The following CD44 variants were observed in gnomAD, a reference collection of about 807,000 sequenced individuals.
CD44 encodes CD44 antigen.
Under a neutral mutation model 88.8 loss-of-function variants are expected in CD44, and 49 were observed. The ratio of observed to expected loss-of-function variants is 0.55; its 90% confidence interval spans 0.44 to 0.70. CD44 has a LOEUF of 0.70. Ranked by LOEUF, CD44 falls within the 30% of genes least tolerant of loss-of-function variation. The probability of loss-of-function intolerance (pLI) is 0.00; values close to 1 mark genes in which losing one functional copy is unlikely to be tolerated. For synonymous variants in CD44, 325 were observed against 312.3 expected (o/e 1.04, Z -0.43); for missense variants, 883 against 913.8 (o/e 0.97, Z 0.43).
intron 3 of CD44, among the ~76,000 whole-genome samples, chr11:35,184,920 T>C (rs1048280751): frequency 6.6e-6 from 1 of 152,220 alleles, no homozygotes; most frequent in African/African-American, 2.4e-5. Flanking sequence ...ATTATATCGG[T>C]ACTTTTTTCT....
In CD44 at chr11:35,201,767, C is replaced by T; in HGVS notation, c.1133C>T (p.Thr378Ile). The change falls in exon 9 of 18, where the codon ACC becomes ATC. Residue 378 changes from threonine to isoleucine, a missense_variant. Coordinates refer to ENST00000428726, the MANE Select transcript of CD44 (RefSeq NM_000610.4). ...IHHEHHEEEE[T>I]PHSTSTIQAT... ...CATGAGCATCATGAGGAAGAAGAGA[C>T]CCCACATTCTACAAGCACAAGTAAG... The T allele has an allele frequency of 6.2e-7, 1 of 1,613,666 alleles. No individual in the cohort carries two copies. The highest frequency in any genetic ancestry group is 2.2e-5 in the East Asian group (1 of 44,856).
intron 9 of CD44, among the ~76,000 whole-genome samples, chr11:35,204,012 T>C (rs1293078902): frequency 6.6e-6 from 1 of 152,228 alleles, no homozygotes; most frequent in Non-Finnish European, 1.5e-5. Context: ...TCTTTCCTGC[T>C]GGGCAAATCC....
chr11:35,141,351 C>G (rs1030362471), intron 1 of CD44, among the ~76,000 whole-genome samples: 1 of 152,100 alleles, frequency 6.6e-6, no homozygotes, highest in African/African-American at 2.4e-5. Context: ...GACTCTAGGC[C>G]TTAGGGAAAG....
intron 1 of CD44, among the ~76,000 whole-genome samples, chr11:35,157,936 C>A (rs1284084893): frequency 2.0e-5 from 3 of 152,162 alleles, no homozygotes; most frequent in African/African-American, 7.2e-5. Flanking sequence ...GTGTTTAGGG[C>A]AGCTCTCTCG....
chr11:35,194,362 A>G (rs1389049275), intron 5 of CD44, among the ~76,000 whole-genome samples: 1 of 152,220 alleles, frequency 6.6e-6, no homozygotes, highest in Non-Finnish European at 1.5e-5. Context: ...TATAGGCAGA[A>G]CTGAAAGTAA....
intron 17 of CD44, chr11:35,222,911 C>T (rs572199496): frequency 1.0e-6 from 1 of 985,346 alleles, no homozygotes; most frequent in African/African-American, 1.7e-5. Context: ...GGGAGAAGAC[C>T]TAGAGAGAAT....
At chr11:35,149,439 G>C (rs1859875374) in intron 1 of CD44, among the ~76,000 whole-genome samples, 1 of 152,136 alleles carries the variant, frequency 6.6e-6, no homozygotes, top group Admixed American at 6.5e-5. Flanking sequence ...CGTGAGCTTG[G>C]GCAGTTGCAC....
chr11:35,214,896 C>G lies in CD44; in HGVS notation c.1855C>G (p.His619Asp), dbSNP rs1948697267. 6.4e-7 allele frequency: 1 copy of G among 1,561,082 alleles called. No individual in the cohort carries two copies. Among genetic ancestry groups the G allele is most frequent in the Non-Finnish European group, 8.7e-7 (1 of 1,154,238 alleles). ...FHPSGGSHTT[H>D]GSESDGHSHG... Reference sequence around the variant, plus strand: ...CCCCAGTGGGGGGTCCCATACCACTCATGGATCTGAATCAGATGGTGAGTT... The same window carrying G: ...CCCCAGTGGGGGGTCCCATACCACTGATGGATCTGAATCAGATGGTGAGTT... The change falls in exon 15 of 18, where the codon CAT becomes GAT. Residue 619 changes from histidine (H) to aspartate (D), a missense_variant. His to Asp is a moderately conservative substitution (Grantham distance 81). Transcript: ENST00000428726.
Position 35,198,367 on chromosome 11 carries a change from T to G in CD44, c.922+121T>G, listed in dbSNP as rs149929466. 15 of 788,114 alleles carry G rather than the reference T, an allele frequency of 1.9e-5. No homozygotes were observed. The East Asian group carries it at 2.0e-4, about 11-fold the overall frequency. The allele number at this position is 788,114 out of a possible 1,614,324, so 48.8% of individuals were successfully genotyped here. A position where few individuals can be genotyped will look rare whatever the true frequency, so the allele number is the denominator to read the frequency against. Reference sequence around the variant, plus strand: ...TGAAAAATGGGTGAACCTATGATCATACCTTAGTTATATCTTGATGAGATT... The same window carrying G: ...TGAAAAATGGGTGAACCTATGATCAGACCTTAGTTATATCTTGATGAGATT... On this transcript the variant is annotated intron_variant, in intron 7 of 17. Coordinates refer to ENST00000428726, the MANE Select transcript of CD44 (RefSeq NM_000610.4).
intron 5 of CD44, among the ~76,000 whole-genome samples, chr11:35,192,830 T>A (rs1457644658): frequency 1.3e-5 from 2 of 150,376 alleles, no homozygotes; most frequent in East Asian, 3.9e-4. Context: ...TATGGCCTAT[T>A]TGGGTGGGGA....
Position 35,139,174 on chromosome 11 carries a change from A to G in CD44, c.-130A>G. The G allele has an allele frequency of 1.4e-6, 1 of 697,606 alleles. No individual in the cohort carries two copies. Among genetic ancestry groups the G allele is most frequent in the Middle Eastern group, 3.5e-4 (1 of 2,834 alleles). The allele number at this position is 697,606 out of a possible 1,614,324, so 43.2% of individuals were successfully genotyped here. A position where few individuals can be genotyped will look rare whatever the true frequency, so the allele number is the denominator to read the frequency against. On this transcript the variant is annotated 5_prime_UTR_variant, in exon 1 of 18. Coordinates refer to ENST00000428726, the MANE Select transcript of CD44 (RefSeq NM_000610.4). The stretch of plus-strand genomic sequence containing the variant: ...TGCAGCCAACTTCCGAGGCAGCCTC[A>G]TTGCCCAGCGGACCCCAGCCTCTGC...
chr11:35,153,721 A>G (rs1020853016), intron 1 of CD44, among the ~76,000 whole-genome samples: 11 of 152,206 alleles, frequency 7.2e-5, no homozygotes, highest in Admixed American at 6.5e-5. Flanking sequence ...AGTGCTATGA[A>G]GGAGAAGCAC....
chr11:35,214,875 A>G lies in CD44; in HGVS notation c.1834A>G (p.Ser612Gly), dbSNP rs777875759. 5 of 1,558,928 alleles carry G rather than the reference A, an allele frequency of 3.2e-6. No individual in the cohort carries two copies. The highest frequency in any genetic ancestry group is 4.3e-6 in the Non-Finnish European group (5 of 1,152,542). ...AGGAGACCAAGACACATTCCACCCC[A>G]GTGGGGGGTCCCATACCACTCATGG... Reference protein sequence around the residue: ...LSGDQDTFHPSGGSHTTHGSE... With the variant: ...LSGDQDTFHPGGGSHTTHGSE... The change falls in exon 15 of 18, where the codon AGT becomes GGT. Residue 612 changes from serine (S) to glycine (G), a missense_variant. Coordinates refer to ENST00000428726, the MANE Select transcript of CD44 (RefSeq NM_000610.4).
At chr11:35,161,435 T>G (rs896233923) in intron 1 of CD44, among the ~76,000 whole-genome samples, 4 of 152,146 alleles carry the variant, frequency 2.6e-5, no homozygotes. Context: ...ACAATGAGGG[T>G]AAATCCTTGC....
chr11:35,222,452 G>T, intron 17 of CD44: 1 of 1,264,784 alleles, frequency 7.9e-7, no homozygotes, highest in South Asian at 1.4e-5. Flanking sequence ...ATGAAGCAGA[G>T]AAGAACTTTC....
rs768366883 is a variant in CD44 at position 35,139,295 on chromosome 11, C to T, written c.-9C>T. Reference sequence around the variant, plus strand: ...CTTTCGCCCGCGCCCTCCGTTCGCTCCGGACACCATGGACAAGTTTTGGTG... The same window carrying T: ...CTTTCGCCCGCGCCCTCCGTTCGCTTCGGACACCATGGACAAGTTTTGGTG... On this transcript the variant is annotated 5_prime_UTR_variant, in exon 1 of 18. Transcript: ENST00000428726. 1.5e-5 allele frequency: 23 copies of T among 1,557,586 alleles called. No homozygotes were observed. Among genetic ancestry groups the T allele is most frequent in the Middle Eastern group, 3.3e-4 (2 of 5,998 alleles).
chr11:35,161,155 A>C (rs1316123425), intron 1 of CD44, among the ~76,000 whole-genome samples: 16 of 152,230 alleles, frequency 1.1e-4, no homozygotes, highest in Non-Finnish European at 1.5e-5. Flanking sequence ...TTAATCTTTG[A>C]GATGATTGGC....
chr11:35,173,095 T>C (rs1944086133), intron 1 of CD44, among the ~76,000 whole-genome samples: 1 of 152,196 alleles, frequency 6.6e-6, no homozygotes, highest in Admixed American at 6.5e-5. Context: ...GGTGGCAAGG[T>C]AGAATTGACT....
At chr11:35,214,548 C>T (rs1948669046) in intron 14 of CD44, 4 of 284,080 alleles carry the variant, frequency 1.4e-5, no homozygotes, top group Non-Finnish European at 1.9e-5. Context: ...TGTTCCTTAC[C>T]ACAGTTCTTG....
Sources: allele counts gnomAD v4.1 joint callset (sites outside exome capture counted in the v4.1 genomes callset), GRCh38; gene constraint gnomAD v4.1.1; transcripts MANE v1.5; gene names NCBI Gene and HGNC (gene_info 2026-07-23, HGNC 2026-07-21).